SCYL3: variants seen among roughly 807,000 people sequenced by gnomAD.
SCYL3 encodes the protein SCY1 like pseudokinase 3.
In SCYL3, 35 loss-of-function variants were observed where a neutral mutation model predicts 73.8. The observed-to-expected ratio is 0.47, with a 90% CI of 0.36 to 0.63. SCYL3 has a LOEUF of 0.63. SCYL3 is among the 20% of genes least tolerant of loss of function. The pLI is 0.00. For synonymous variants in SCYL3, 277 were observed against 295.2 expected (o/e 0.94, Z 0.63); for missense variants, 712 against 798.9 (o/e 0.89, Z 1.31).
At chr1:169,892,481 T>C (rs939675114) in intron 1 of SCYL3, among the ~76,000 whole-genome samples, 5 of 152,212 alleles carry the variant, frequency 3.3e-5, no homozygotes, top group Non-Finnish European at 7.3e-5. Flanking sequence ...AGAAAAACAC[T>C]TGGCCTTCCA....
rs537162273 is a variant in SCYL3, at chr1:169,851,678, T to C, written c.*2035A>G. 1.2e-4 allele frequency: 110 copies of C among 905,038 alleles called. 2 individuals are homozygous for C. The South Asian group carries it at 1.8e-3, about 15-fold the overall frequency. 56.1% of individuals were successfully genotyped at this position (905,038 alleles called of 1,614,324 possible). A position where few individuals can be genotyped will look rare whatever the true frequency, so the allele number is the denominator to read the frequency against. Reference sequence around the variant, plus strand: ...GATTTAATCCAGATTATACTAAGAGTATTTATAGATCAGTCCATGTGACTT... The same window carrying C: ...GATTTAATCCAGATTATACTAAGAGCATTTATAGATCAGTCCATGTGACTT... On this transcript the variant is annotated 3_prime_UTR_variant, in exon 13 of 13. Transcript: ENST00000367771.
chr1:169,887,250 G>A (rs569704408), intron 2 of SCYL3, among the ~76,000 whole-genome samples: 1 of 152,232 alleles, frequency 6.6e-6, no homozygotes, highest in South Asian at 2.1e-4. Context: ...GGGTATCTAT[G>A]AATATTAAGG....
rs61734335 is a variant in SCYL3 at position 169,862,625 on chromosome 1, G to C, written c.1128C>G (p.Val376=). ...EHFTQEQLKK[V]ILPQVLLGLR... The stretch of plus-strand genomic sequence containing the variant: ...CTTGGCCTCTGACCTGTGGCAAGAT[G>C]ACTTTCTTCAGCTGCTCCTGAGTGA... Residue 376 remains valine (V), a synonymous_variant, in exon 10 of 13, where the codon GTC becomes GTG. Coordinates refer to ENST00000367771, the MANE Select transcript of SCYL3 (RefSeq NM_020423.7). The C allele has an allele frequency of 1.1e-3, 1,721 of 1,614,120 alleles. 14 individuals carry two copies. In the African/African-American group the frequency reaches 0.014, roughly 13 times the overall value.
chr1:169,889,540 CTAAG>C (rs1661917643), intron 1 of SCYL3, among the ~76,000 whole-genome samples: 2 of 151,972 alleles, frequency 1.3e-5, no homozygotes, highest in South Asian at 4.2e-4. Context: ...CAAAGCTATC[CTAAG>C]TAAAAAGGGG....
chr1:169,886,658 C>A (rs530391413), intron 2 of SCYL3, among the ~76,000 whole-genome samples: 1 of 152,256 alleles, frequency 6.6e-6, no homozygotes, highest in Non-Finnish European at 1.5e-5. Flanking sequence ...CAACCAAATT[C>A]GGGCTTAGAA....
intron 5 of SCYL3, among the ~76,000 whole-genome samples, chr1:169,872,078 A>G (rs973850391): frequency 3.9e-5 from 6 of 152,246 alleles, no homozygotes; most frequent in Non-Finnish European, 4.4e-5. Context: ...AATCCCCAAG[A>G]AAATGGGGAA....
intron 1 of SCYL3, among the ~76,000 whole-genome samples, chr1:169,891,402 C>A (rs1479469244): frequency 1.3e-5 from 2 of 152,206 alleles, no homozygotes; most frequent in Non-Finnish European, 2.9e-5. Context: ...CAACCAGCCC[C>A]CTTTTCCTCA....
At chr1:169,869,850 ATGT>A (rs1660273084) in intron 6 of SCYL3, among the ~76,000 whole-genome samples, 1 of 152,222 alleles carries the variant, frequency 6.6e-6, no homozygotes, top group Non-Finnish European at 1.5e-5. Flanking sequence ...GAATAAAGAA[ATGT>A]TGAGCTCAAT....
In SCYL3 at chr1:169,851,771, G is replaced by A. The variant is rs1429148352; in HGVS notation, c.*1942C>T. On this transcript the variant is annotated 3_prime_UTR_variant, in exon 13 of 13. Coordinates refer to ENST00000367771, the MANE Select transcript of SCYL3 (RefSeq NM_020423.7). ...ATGTGGCCATTTCATATCTAGTAGA[G>A]TGCTAACATGTTGCTATTTGCTTGG... 1.3e-6 allele frequency: 2 copies of A among 1,599,696 alleles called. No homozygotes were observed. Among genetic ancestry groups the A allele is most frequent in the Non-Finnish European group, 1.7e-6 (2 of 1,172,808 alleles).
chr1:169,870,029 CAT>C (rs769998123), intron 6 of SCYL3, among the ~76,000 whole-genome samples: 2 of 152,176 alleles, frequency 1.3e-5, no homozygotes, highest in Non-Finnish European at 2.9e-5. Context: ...TACTGACAGC[CAT>C]AGTTCAAAGT....
At chr1:169,854,125 A>AATG (rs200774036) in intron 12 of SCYL3, 145 bp downstream of exon 12, 1,065 of 649,954 alleles carry the variant, frequency 1.6e-3, no homozygotes, top group Non-Finnish European at 2.0e-3. Context: ...GATAGATACC[A>AATG]ATGATAGAAA....
intron 6 of SCYL3, among the ~76,000 whole-genome samples, chr1:169,869,778 G>A (rs1180832624): frequency 1.3e-5 from 2 of 151,982 alleles, no homozygotes; most frequent in African/African-American, 4.8e-5. Flanking sequence ...AGCTTTAAGA[G>A]GCAATGAAAG....
At chr1:169,868,462 A>G (rs1037503794) in intron 7 of SCYL3, among the ~76,000 whole-genome samples, 2 of 152,176 alleles carry the variant, frequency 1.3e-5, no homozygotes, top group Non-Finnish European at 2.9e-5. Flanking sequence ...TTGCCTCTAA[A>G]CCAACTTATT....
intron 11 of SCYL3, among the ~76,000 whole-genome samples, chr1:169,856,191 C>T (rs1418030928): frequency 6.6e-6 from 1 of 152,096 alleles, no homozygotes; most frequent in Non-Finnish European, 1.5e-5. Flanking sequence ...GGTGATGGAT[C>T]AAAGCATTAC....
intron 6 of SCYL3, chr1:169,869,278 TC>T (rs1217761072): frequency 1.8e-5 from 9 of 500,152 alleles, no homozygotes; most frequent in Admixed American, 3.2e-5. Context: ...CCCTCTCATT[TC>T]CTGATTATCC....
intron 4 of SCYL3, among the ~76,000 whole-genome samples, chr1:169,874,570 G>C (rs185156855): frequency 4.6e-5 from 7 of 152,274 alleles, no homozygotes; most frequent in Admixed American, 4.6e-4. Flanking sequence ...GAAGGAAGAA[G>C]GCATATGTGG....
chr1:169,858,452 A>G (rs189774803), intron 11 of SCYL3, among the ~76,000 whole-genome samples: 1 of 152,330 alleles, frequency 6.6e-6, no homozygotes, highest in Non-Finnish European at 1.5e-5. Flanking sequence ...TACCTCCTGA[A>G]GGACCCCTGG....
rs752805746 is a variant in SCYL3 at position 169,888,658 on chromosome 1, C to T, written c.165+18G>A. On this transcript the variant is annotated intron_variant, in intron 2 of 12. Transcript: ENST00000367771. Reference sequence around the variant, plus strand: ...TAGTAAAAAGTACTAACTATTAAGTCGTCACCTATTATGGTACCTTGGCAG... The same window carrying T: ...TAGTAAAAAGTACTAACTATTAAGTTGTCACCTATTATGGTACCTTGGCAG... 6.4e-5 allele frequency: 103 copies of T among 1,599,138 alleles called. No individual in the cohort carries two copies. The highest frequency in any genetic ancestry group is 8.7e-5 in the Non-Finnish European group (102 of 1,169,882).
intron 9 of SCYL3, among the ~76,000 whole-genome samples, 154 bp from the exon 10 acceptor site, chr1:169,862,951 C>A (rs1263212259): frequency 6.6e-6 from 1 of 152,208 alleles, no homozygotes; most frequent in Non-Finnish European, 1.5e-5. Context: ...CTCACTCTGT[C>A]ACCCATGCTG....
Sources: gnomAD v4.1 joint callset for allele counts (sites outside exome capture counted in the v4.1 genomes callset) on GRCh38, gnomAD v4.1.1 for gene constraint, MANE v1.5 for transcripts, NCBI Gene and HGNC (gene_info 2026-07-23, HGNC 2026-07-21) for gene names.